Variants in UBR3 observed in about 807,000 individuals in gnomAD.
UBR3 encodes the protein ubiquitin protein ligase E3 component n-recognin 3.
UBR3 carries 85 observed loss-of-function variants against 243.2 expected under a neutral mutation model. The ratio of observed to expected loss-of-function variants is 0.35; its 90% CI spans 0.29 to 0.42. The LOEUF is 0.42. Among genes scored for constraint, UBR3 ranks in the 10% least tolerant of loss-of-function variants. The probability of loss-of-function intolerance (pLI) is 1.00; values close to 1 mark genes in which losing one functional copy is unlikely to be tolerated. For missense variants in UBR3, 1,686 were observed against 2,300.8 expected (o/e 0.73, Z 5.47); for synonymous variants, 748 against 799.8 (o/e 0.94, Z 1.09).
chr2:170,015,461 C>G, intron 30 of UBR3, 95 bp downstream of exon 30: 1 of 947,848 alleles, frequency 1.1e-6, no homozygotes, highest in South Asian at 1.6e-5. Context: ...CAAATTTTGT[C>G]TGTTATATAT....
At chr2:169,901,980 C>T (rs895744719) in intron 8 of UBR3, among the ~76,000 whole-genome samples, 4 of 152,178 alleles carry the variant, frequency 2.6e-5, no homozygotes, top group African/African-American at 7.2e-5. Flanking sequence ...TCTATAAACA[C>T]CTCAAACACA....
Position 169,975,885 on chromosome 2 carries a change from C to CAT in UBR3, c.3635-10739_3635-10738dup, listed in dbSNP as rs3083011. 4.0e-3 allele frequency among the ~76,000 whole-genome samples: 602 copies of CAT among 150,710 alleles called. 4 individuals carry two copies. Among genetic ancestry groups the CAT allele is most frequent in the African/African-American group, 0.014 (564 of 41,002 alleles). On this transcript the variant is annotated intron_variant, in intron 24 of 38. Coordinates refer to ENST00000272793, the MANE Select transcript of UBR3 (RefSeq NM_172070.4). ...ATATATCTGGATCTGCAATTAAAAA[C>CAT]ATATATATATATATATATATATTCT...
At chr2:169,888,257 G>A (rs2084188757) in intron 5 of UBR3, among the ~76,000 whole-genome samples, 2 of 151,796 alleles carry the variant, frequency 1.3e-5, no homozygotes, top group South Asian at 4.2e-4. Context: ...TCCAGCCTCA[G>A]CCTGCCGAGT....
chr2:170,035,482 A>C (rs576763104), intron 31 of UBR3, among the ~76,000 whole-genome samples: 100 of 151,950 alleles, frequency 6.6e-4, no homozygotes, highest in African/African-American at 2.2e-3. Flanking sequence ...AATTATGTGA[A>C]TCTATTTCTG....
rs754470831 is a variant in UBR3 at position 169,958,477 on chromosome 2, G to A, written c.3585G>A (p.Ala1195=). Reference sequence around the variant, plus strand: ...GAGAGAGGCAGCAGAAATTGCTTGCGGAGTTTGCTTCACGACAGAAAAGCT... The same window carrying A: ...GAGAGAGGCAGCAGAAATTGCTTGCAGAGTTTGCTTCACGACAGAAAAGCT... ...KARERQQKLL[A]EFASRQKSFM... The change falls in exon 24 of 39, where the codon GCG becomes GCA. Residue 1195 remains alanine, a synonymous_variant. Coordinates refer to ENST00000272793, the MANE Select transcript of UBR3 (RefSeq NM_172070.4). 20 of 1,612,980 alleles carry A rather than the reference G, an allele frequency of 1.2e-5. No homozygotes were observed. The highest frequency in any genetic ancestry group is 2.7e-5 in the African/African-American group (2 of 74,854).
intron 1 of UBR3, among the ~76,000 whole-genome samples, chr2:169,853,654 T>G (rs2082738538): frequency 6.6e-6 from 1 of 152,140 alleles, no homozygotes; most frequent in Non-Finnish European, 1.5e-5. Context: ...TTCACCATGT[T>G]GGCCAGGCCA....
At position 170,059,189 on chromosome 2, in the gene UBR3, AACATT is replaced by A. The variant is rs200276058; in HGVS notation, c.4786-1883_4786-1879del. On this transcript the variant is annotated intron_variant, in intron 33 of 38. Transcript: ENST00000272793. ...GAAGAAGTCTCAATACAAAGCAGTG[AACATT>A]ACATTATATTTAACTTTCTGATATG... Among the ~76,000 whole-genome samples, 852 of 152,082 alleles carry A rather than the reference AACATT, an allele frequency of 5.6e-3. 8 individuals are homozygous for A. Among genetic ancestry groups the A allele is most frequent in the African/African-American group, 0.019 (802 of 41,450 alleles).
At chr2:170,033,681 T>G (rs1453033972) in intron 31 of UBR3, among the ~76,000 whole-genome samples, 4 of 150,796 alleles carry the variant, frequency 2.7e-5, no homozygotes, top group African/African-American at 9.7e-5. Flanking sequence ...TATTTCATAT[T>G]TATATATTTT....
chr2:169,844,492 C>CTTT (rs71006046), intron 1 of UBR3, among the ~76,000 whole-genome samples: 1 of 111,356 alleles, frequency 9.0e-6, no homozygotes. Context: ...AACCCTCTCT[C>CTTT]TTTTTTTTTT....
rs1229502364 is a variant in UBR3, at chr2:169,891,173, G to A, written c.1047G>A (p.Gln349=). ...GQVDSSDEDD[Q]DGSQGLGKRK... ...ATATTATTTTCCTTCAGGATGATCA[G>A]GATGGTAGTCAAGGTCTGGGCAAGA... Residue 349 remains glutamine (Q), a synonymous_variant, in exon 6 of 39, where the codon CAG becomes CAA. Transcript: ENST00000272793. The A allele has an allele frequency of 2.6e-6, 4 of 1,549,582 alleles. No homozygotes were observed. The South Asian group carries it at 4.8e-5, about 18-fold the overall frequency.
At chr2:170,032,580 CTTTTTTTTTTTTT>C (rs6147023) in intron 31 of UBR3, among the ~76,000 whole-genome samples, 20 of 20,478 alleles carry the variant, frequency 9.8e-4, no homozygotes, top group South Asian at 2.9e-3. Flanking sequence ...ATGACATTCA[CTTTTTTTTTTTTT>C]TTTTTTTTTT....
intron 1 of UBR3, among the ~76,000 whole-genome samples, chr2:169,832,654 G>T (rs975693030): frequency 1.3e-5 from 2 of 151,832 alleles, no homozygotes; most frequent in Non-Finnish European, 2.9e-5. Context: ...CTTTATGGGG[G>T]CCGGGCGTGG....
chr2:169,938,324 A>G (rs1429440505), intron 19 of UBR3, among the ~76,000 whole-genome samples: 1 of 148,248 alleles, frequency 6.7e-6, no homozygotes, highest in Admixed American at 6.8e-5. Context: ...GGCTGGTGGC[A>G]TGATCACAGT....
At chr2:170,006,678 T>C (rs1446447610) in intron 27 of UBR3, among the ~76,000 whole-genome samples, 3 of 152,190 alleles carry the variant, frequency 2.0e-5, no homozygotes, top group Non-Finnish European at 2.9e-5. Flanking sequence ...GTGGCCTGTT[T>C]TTTGAATTAT....
At chr2:169,843,090 A>G (rs1256908894) in intron 1 of UBR3, among the ~76,000 whole-genome samples, 1 of 152,180 alleles carries the variant, frequency 6.6e-6, no homozygotes, top group Non-Finnish European at 1.5e-5. Flanking sequence ...AAACTACTCC[A>G]GCCTCTACCT....
chr2:169,960,972 A>T (rs2087545033), intron 24 of UBR3, among the ~76,000 whole-genome samples: 1 of 152,074 alleles, frequency 6.6e-6, no homozygotes, highest in African/African-American at 2.4e-5. Context: ...CAGTCCCTTG[A>T]TTGCTAAACC....
chr2:169,848,966 T>A (rs2082572617), intron 1 of UBR3, among the ~76,000 whole-genome samples: 2 of 152,130 alleles, frequency 1.3e-5, no homozygotes, highest in African/African-American at 4.8e-5. Flanking sequence ...GCAGATATAA[T>A]AAGCAAATAA....
chr2:169,891,373 G>A lies in UBR3; in HGVS notation c.1105+142G>A. On this transcript the variant is annotated intron_variant, in intron 6 of 38. Transcript: ENST00000272793. Reference sequence around the variant, plus strand: ...TTATGTTATTAGATTTATCTAATAAGTCTTGGAGAAAGTATTGTTAAGCGA... The same window carrying A: ...TTATGTTATTAGATTTATCTAATAAATCTTGGAGAAAGTATTGTTAAGCGA... The A allele has an allele frequency of 1.3e-5, 7 of 556,458 alleles. No homozygotes were observed. The South Asian group carries it at 2.0e-4, about 16-fold the overall frequency. 34.5% of individuals were successfully genotyped at this position (556,458 alleles called of 1,614,324 possible).
At position 169,836,072 on chromosome 2, in the gene UBR3, T is replaced by A. The variant is rs1231742023; in HGVS notation, c.545+8020T>A. ...ATATATATATATATATATATATTTT[T>A]TTTTTTTTTTTTTTTTTTTTTGAGA... is the stretch of plus-strand genomic sequence containing the variant. On this transcript the variant is annotated intron_variant, in intron 1 of 38. Transcript: ENST00000272793. Among the ~76,000 whole-genome samples the A allele has an allele frequency of 2.8e-3, 174 of 62,886 alleles. 7 individuals are homozygous for A. The highest frequency in any genetic ancestry group is 6.6e-3 in the African/African-American group (104 of 15,876). 41.3% of individuals were successfully genotyped at this position (62,886 alleles called of 152,430 possible).
Sources: allele counts gnomAD v4.1 joint callset (sites outside exome capture counted in the v4.1 genomes callset), GRCh38; gene constraint gnomAD v4.1.1; transcripts MANE v1.5; gene names NCBI Gene and HGNC (gene_info 2026-07-23, HGNC 2026-07-21).